BTBD2: variants seen among roughly 807,000 people sequenced by gnomAD.
BTBD2 encodes BTB domain containing 2.
A neutral mutation model predicts 44.0 loss-of-function variants in BTBD2; 15 were observed. The observed-to-expected ratio is 0.34, with a 90% CI of 0.23 to 0.53. BTBD2 has a LOEUF of 0.53. Among genes scored for constraint, BTBD2 ranks in the 20% least tolerant of loss-of-function variants. The pLI is 0.95. For missense variants in BTBD2, 657 were observed against 746.4 expected, an observed-to-expected ratio of 0.88 and a Z score of 1.39; for synonymous variants, 443 against 335.9, an observed-to-expected ratio of 1.32 and a Z score of -3.49.
rs1475622936 is a variant in BTBD2 at position 1,986,614 on chromosome 19, G to T, written c.1452C>A (p.Arg484=). The change falls in exon 9 of 9, where the codon CGC becomes CGA. Residue 484 remains arginine, a synonymous_variant. Coordinates refer to ENST00000255608, the MANE Select transcript of BTBD2 (RefSeq NM_017797.4). The stretch of plus-strand genomic sequence containing the variant: ...TGGTGGGCGACTCGTGTGTCACCTT[G>T]CGCAGGCCTTTGGTGCCGTAGTGGG... ...PDSHYGTKGL[R]KVTHESPTTG... The T allele has an allele frequency of 1.2e-6, 2 of 1,613,960 alleles. No individual in the cohort carries two copies. Among genetic ancestry groups the T allele is most frequent in the East Asian group, 2.2e-5 (1 of 44,886 alleles).
At position 1,990,072 on chromosome 19, in the gene BTBD2, C is replaced by T. The variant is rs762077316; in HGVS notation, c.920G>A (p.Arg307Gln). Residue 307 changes from arginine (R) to glutamine (Q), a missense_variant, in exon 5 of 9, where the codon CGG becomes CAG. Physicochemically the swap from Arg to Gln is conservative, Grantham distance 43. This residue lies in a region of BTBD2 where 449 missense variants were observed against 510.9 expected (regional missense o/e 0.88). Transcript: ENST00000255608. ...GCCCAGGGCCTTGCCCAGAACCTTCCGCCTGTTCTCTGGCGTCACCTGCAG... is the reference window on the plus strand; with the variant it reads ...GCCCAGGGCCTTGCCCAGAACCTTCTGCCTGTTCTCTGGCGTCACCTGCAG... The part of the protein sequence containing the change: ...QQLQVTPENR[R>Q]KVLGKALGLI... The T allele has an allele frequency of 8.1e-6, 13 of 1,613,168 alleles. No individual in the cohort carries two copies. In the Admixed American group the frequency reaches 8.3e-5, roughly 10 times the overall value.
chr19:2,013,949 TGAAG>T (rs1399281059), intron 1 of BTBD2: 5 of 137,416 alleles, frequency 3.6e-5, no homozygotes, highest in African/African-American at 1.4e-4. Context: ...GCACGACCCC[TGAAG>T]GGAGGGGTCC....
Position 1,986,403 on chromosome 19 carries a change from C to T in BTBD2, c.*85G>A, listed in dbSNP as rs773581496. 3.2e-5 allele frequency: 49 copies of T among 1,537,074 alleles called. No individual in the cohort carries two copies. The East Asian group carries it at 8.8e-4, about 28-fold the overall frequency. ...CTGGGGGACACTGGGCCTGGCACCG[C>T]GTGGTGGGGGGGCCCCAGCAGCAGA... On this transcript the variant is annotated 3_prime_UTR_variant, in exon 9 of 9. Transcript: ENST00000255608.
At chr19:2,003,064 G>T (rs558971216) in intron 1 of BTBD2, 2 of 152,120 alleles carry the variant, frequency 1.3e-5, no homozygotes, top group African/African-American at 4.8e-5. Flanking sequence ...TCAAAAGAAA[G>T]ACGCCACTTT....
At chr19:2,006,527 G>A (rs1355029580) in intron 1 of BTBD2, among the ~76,000 whole-genome samples, 1,584 of 144,628 alleles carry the variant, frequency 0.011, 27 homozygotes, top group African/African-American at 0.037. Flanking sequence ...AAAAAGAAAA[G>A]AAAAATCACC....
Position 1,987,168 on chromosome 19 carries a change from GGAT to G in BTBD2, c.1264_1266del (p.Ile422del). On this transcript the variant is annotated inframe_deletion, in exon 7 of 9. Coordinates refer to ENST00000255608, the MANE Select transcript of BTBD2 (RefSeq NM_017797.4). The stretch of plus-strand genomic sequence containing the variant: ...GGGATGAGGCTTGGGGCTGGTACCT[GGAT>G]GTTCACTTGGTAGTCGGTGGGCCCG... The G allele has an allele frequency of 6.2e-7, 1 of 1,613,542 alleles. No individual in the cohort carries two copies. Among genetic ancestry groups the G allele is most frequent in the East Asian group, 2.2e-5 (1 of 44,878 alleles).
chr19:2,005,507 C>T (rs113818927), intron 1 of BTBD2, among the ~76,000 whole-genome samples: 4 of 152,076 alleles, frequency 2.6e-5, no homozygotes, highest in African/African-American at 7.2e-5. Flanking sequence ...TTTAGCCAGG[C>T]GCAGTGGCTC....
intron 1 of BTBD2, among the ~76,000 whole-genome samples, chr19:2,012,760 C>T (rs954330219): frequency 5.9e-5 from 9 of 152,190 alleles, no homozygotes; most frequent in Non-Finnish European, 1.3e-4. Flanking sequence ...TCCAAGGGGT[C>T]CTTGTCCTGC....
In BTBD2 at chr19:1,986,288, G is replaced by C. The variant is rs1028107898; in HGVS notation, c.*200C>G. ...TGGCCACTGGCCTGGCCACCTCCCCGGCTGCCCTGATCCAGCAGCCACACT... is the reference window on the plus strand; with the variant it reads ...TGGCCACTGGCCTGGCCACCTCCCCCGCTGCCCTGATCCAGCAGCCACACT... On this transcript the variant is annotated 3_prime_UTR_variant, in exon 9 of 9. Coordinates refer to ENST00000255608, the MANE Select transcript of BTBD2 (RefSeq NM_017797.4). 3.1e-6 allele frequency: 2 copies of C among 647,632 alleles called. No individual in the cohort carries two copies. The highest frequency in any genetic ancestry group is 5.2e-6 in the Non-Finnish European group (2 of 382,762). 40.1% of individuals were successfully genotyped at this position (647,632 alleles called of 1,614,324 possible).
intron 1 of BTBD2, among the ~76,000 whole-genome samples, chr19:2,011,634 G>T (rs560649317): frequency 5.3e-5 from 8 of 152,162 alleles, no homozygotes; most frequent in Middle Eastern, 3.4e-3. Context: ...TTTCAACAAG[G>T]CAGGCTTCAA....
chr19:1,987,364 C>G lies in BTBD2; in HGVS notation c.1182-111G>C. ...CCCTCCATCGTCCCTGAGTCCTCCA[C>G]CCCCATGCCCGGCGGCCCCCCCGCC... On this transcript the variant is annotated intron_variant, in intron 6 of 8. Transcript: ENST00000255608. 6 of 1,412,364 alleles carry G rather than the reference C, an allele frequency of 4.2e-6. No homozygotes were observed. The South Asian group carries it at 6.4e-5, about 15-fold the overall frequency. 87.5% of individuals were successfully genotyped at this position (1,412,364 alleles called of 1,614,324 possible).
Position 1,990,047 on chromosome 19 carries a change from G to GC in BTBD2, c.944dup (p.Leu316ProfsTer46). ...TGGTCATGAGCGGGAAGCGAATGAG[G>GC]CCCAGGGCCTTGCCCAGAACCTTCC... On this transcript the variant is annotated frameshift_variant, in exon 5 of 9. Transcript: ENST00000255608. LOFTEE classifies it high-confidence loss of function. 1 of 1,613,314 alleles carries GC rather than the reference G, an allele frequency of 6.2e-7. No individual in the cohort carries two copies.
chr19:1,986,457 CGGAG>C lies in BTBD2; in HGVS notation c.*27_*30del. On this transcript the variant is annotated 3_prime_UTR_variant, in exon 9 of 9. Coordinates refer to ENST00000255608, the MANE Select transcript of BTBD2 (RefSeq NM_017797.4). Reference sequence around the variant, plus strand: ...TGGCCTGGGGCTGCGGCTATCCCCACGGAGGGAGGGCGGTGTCGGTGTCGGGCAG... The same window carrying C: ...TGGCCTGGGGCTGCGGCTATCCCCACGGAGGGCGGTGTCGGTGTCGGGCAG... 1 of 1,608,644 alleles carries C rather than the reference CGGAG, an allele frequency of 6.2e-7. No individual in the cohort carries two copies. Among genetic ancestry groups the C allele is most frequent in the Non-Finnish European group, 8.5e-7 (1 of 1,175,982 alleles).
intron 2 of BTBD2, among the ~76,000 whole-genome samples, chr19:1,993,876 A>C (rs2016215125): frequency 1.3e-5 from 2 of 151,596 alleles, no homozygotes; most frequent in African/African-American, 4.9e-5. Flanking sequence ...GGGCGCCTGT[A>C]GTCCCAGCTA....
Position 1,987,283 on chromosome 19 carries a change from G to A in BTBD2, c.1182-30C>T, listed in dbSNP as rs545256405. ...CGTGGCAGATGACAGGCAGCAGCGTGGATACCCAGGGATAGCCTAAGGTGA... is the reference window on the plus strand; with the variant it reads ...CGTGGCAGATGACAGGCAGCAGCGTAGATACCCAGGGATAGCCTAAGGTGA... On this transcript the variant is annotated intron_variant, in intron 6 of 8. Coordinates refer to ENST00000255608, the MANE Select transcript of BTBD2 (RefSeq NM_017797.4). 1.1e-5 allele frequency: 18 copies of A among 1,605,008 alleles called. No individual in the cohort carries two copies. The African/African-American group carries it at 2.3e-4, about 20-fold the overall frequency.
Position 1,987,099 on chromosome 19 carries a change from G to A in BTBD2, c.1269+67C>T. 1.9e-6 allele frequency: 3 copies of A among 1,597,506 alleles called. No homozygotes were observed. The East Asian group carries it at 6.7e-5, about 36-fold the overall frequency. On this transcript the variant is annotated intron_variant, in intron 7 of 8. Coordinates refer to ENST00000255608, the MANE Select transcript of BTBD2 (RefSeq NM_017797.4). ...GACCAGGGCCGGGGGTTCAGCCAGG[G>A]TTCCATGGAGGTGGAGAGAGGACAT...
At chr19:1,989,692 G>C in intron 5 of BTBD2, 1 of 416,542 alleles carries the variant, frequency 2.4e-6, no homozygotes, top group South Asian at 2.3e-5. Flanking sequence ...ACAGACACTG[G>C]TACCTGCACC....
Position 2,000,972 on chromosome 19 carries a change from G to C in BTBD2, c.408-3509C>G, listed in dbSNP as rs77426180. On this transcript the variant is annotated intron_variant, in intron 1 of 8. Coordinates refer to ENST00000255608, the MANE Select transcript of BTBD2 (RefSeq NM_017797.4). ...GATCCACTCCTAGGAGGTCCCCAGA[G>C]TCCTCAGATTCAGAGACAGAAAGGA... Among the ~76,000 whole-genome samples, 16 of 152,302 alleles carry C rather than the reference G, an allele frequency of 1.1e-4. No homozygotes were observed. The East Asian group carries it at 3.1e-3, about 29-fold the overall frequency.
intron 1 of BTBD2, among the ~76,000 whole-genome samples, chr19:2,006,523 A>G (rs532750809): frequency 2.0e-5 from 2 of 97,578 alleles, no homozygotes; most frequent in Non-Finnish European, 4.3e-5. Flanking sequence ...AAAAAAAAAG[A>G]AAAGAAAAAT....
Sources: allele counts gnomAD v4.1 joint callset (sites outside exome capture counted in the v4.1 genomes callset), GRCh38; gene constraint gnomAD v4.1.1; regional missense constraint gnomAD v4.1.1; transcripts MANE v1.5; gene names NCBI Gene and HGNC (gene_info 2026-07-23, HGNC 2026-07-21).